MAP4K4: variants seen among roughly 807,000 people sequenced by gnomAD.
MAP4K4 encodes mitogen-activated protein kinase kinase kinase kinase 4, also known as HPK/GCK-like kinase HGK.
In MAP4K4, 38 loss-of-function variants were observed where a neutral mutation model predicts 189.6. That is an observed-to-expected ratio of 0.20 (90% CI 0.15 to 0.26). MAP4K4 has a LOEUF of 0.26. Ranked by LOEUF, MAP4K4 falls within the 10% of genes least tolerant of loss-of-function variation. The pLI is 1.00. For synonymous variants in MAP4K4, 610 were observed against 624.3 expected, an observed-to-expected ratio of 0.98 and a Z score of 0.34; for missense variants, 1,054 against 1,726.9, an observed-to-expected ratio of 0.61 and a Z score of 6.91.
At chr2:101,767,880 A>C (rs1158617788) in intron 2 of MAP4K4, among the ~76,000 whole-genome samples, 1 of 152,210 alleles carries the variant, frequency 6.6e-6, no homozygotes, top group Non-Finnish European at 1.5e-5. Flanking sequence ...GCTTGTGTTC[A>C]GATCTGTTTC....
intron 3 of MAP4K4, among the ~76,000 whole-genome samples, chr2:101,822,985 C>G (rs571063269): frequency 6.6e-6 from 1 of 152,264 alleles, no homozygotes; most frequent in East Asian, 1.9e-4. Flanking sequence ...TCTGCTTTCC[C>G]CTCATTCTGT....
chr2:101,732,574 T>G (rs1574467928), intron 2 of MAP4K4, among the ~76,000 whole-genome samples: 2 of 152,122 alleles, frequency 1.3e-5, no homozygotes, highest in African/African-American at 4.8e-5. Flanking sequence ...TACCTGTTAG[T>G]CATCTCCTTG....
chr2:101,890,647 C>T (rs6731732), intron 32 of MAP4K4, among the ~76,000 whole-genome samples: 13,505 of 151,438 alleles, frequency 0.089, 1,699 homozygotes, highest in African/African-American at 0.29. Context: ...AGTAGAGATG[C>T]GGTTTCACTA....
chr2:101,698,162 GC>G, intron 1 of MAP4K4, 25 bp downstream of exon 1: 1 of 1,135,214 alleles, frequency 8.8e-7, no homozygotes, highest in African/African-American at 1.8e-5. Flanking sequence ...GAGCGGGCGC[GC>G]GGGGAGCGGG....
exon 1 of MAP4K4, chr2:101,697,714 C>T (rs1375059772): frequency 1.7e-5 from 1 of 60,042 alleles, no homozygotes; most frequent in Non-Finnish European, 3.0e-5. Context: ...CTCACTCGCT[C>T]AACTCGGCGC....
intron 2 of MAP4K4, among the ~76,000 whole-genome samples, chr2:101,785,679 TC>T (rs1558913007): frequency 0.26 from 240 of 934 alleles, 23 homozygotes; most frequent in South Asian, 0.38. Context: ...TCTTTCTCCC[TC>T]TCTCTCTCTC....
intron 21 of MAP4K4, 115 bp from the exon 22 acceptor site, chr2:101,869,507 A>G (rs563814403): frequency 2.8e-6 from 2 of 726,962 alleles, no homozygotes; most frequent in African/African-American, 3.6e-5. Flanking sequence ...AAACTGGGTA[A>G]CTATAAAAGT....
At chr2:101,722,639 G>A (rs1369504985) in intron 2 of MAP4K4, among the ~76,000 whole-genome samples, 1 of 152,170 alleles carries the variant, frequency 6.6e-6, no homozygotes, top group African/African-American at 2.4e-5. Flanking sequence ...TCCTTTGAGA[G>A]TGTATTGTTT....
At chr2:101,863,833 C>T in exon 17 of MAP4K4, 1 of 1,367,498 alleles carries the variant, frequency 7.3e-7, no homozygotes, top group Non-Finnish European at 9.8e-7. Flanking sequence ...ACAGTGGTCC[C>T]ACCTGGCATC....
intron 16 of MAP4K4, among the ~76,000 whole-genome samples, chr2:101,863,537 A>G (rs1276149333): frequency 2.6e-5 from 4 of 151,726 alleles, no homozygotes; most frequent in Non-Finnish European, 4.4e-5. Flanking sequence ...TTTGTGGGGA[A>G]AAAAAAAATA....
At chr2:101,869,944 T>G in intron 22 of MAP4K4, 147 bp downstream of exon 22, 1 of 1,071,926 alleles carries the variant, frequency 9.3e-7, no homozygotes, top group South Asian at 1.7e-5. Context: ...TCGCCTTGTG[T>G]TTCCCCTTCT....
intron 2 of MAP4K4, among the ~76,000 whole-genome samples, chr2:101,786,579 C>G (rs1457557375): frequency 6.6e-6 from 1 of 152,116 alleles, no homozygotes; most frequent in Non-Finnish European, 1.5e-5. Context: ...TCTGCTAACC[C>G]TTAAAAGCAT....
Position 101,698,435 on chromosome 2 carries a change from T to G in MAP4K4, c.58-38T>G, listed in dbSNP as rs757937357. On this transcript the variant is annotated intron_variant, in intron 1 of 32. Transcript: ENST00000324219. Reference sequence around the variant, plus strand: ...GCTTGATTTATTCATTTTTTTGGCTTCTTTTAAATGATAACCCCTCCCCTC... The same window carrying G: ...GCTTGATTTATTCATTTTTTTGGCTGCTTTTAAATGATAACCCCTCCCCTC... 1.4e-5 allele frequency: 22 copies of G among 1,565,616 alleles called. No individual in the cohort carries two copies. The African/African-American group carries it at 1.5e-4, about 11-fold the overall frequency.
In MAP4K4 at chr2:101,698,624, A is replaced by G. The variant is rs2036069713; in HGVS notation, c.123+86A>G. The G allele has an allele frequency of 5.3e-6, 7 of 1,315,476 alleles. No individual in the cohort carries two copies. In the African/African-American group the frequency reaches 5.9e-5, roughly 11 times the overall value. 81.5% of individuals were successfully genotyped at this position (1,315,476 alleles called of 1,614,324 possible). A position where few individuals can be genotyped will look rare whatever the true frequency, so the allele number is the denominator to read the frequency against. ...GGAGAGGGTGATAAACATGCTGCTG[A>G]CTGGAGGCCACGCCGCTTGGCCAAA... On this transcript the variant is annotated intron_variant, in intron 2 of 32. Transcript: ENST00000324219.
chr2:101,868,162 A>G (rs1346775342), intron 21 of MAP4K4, 125 bp downstream of exon 21: 1 of 1,050,588 alleles, frequency 9.5e-7, no homozygotes, highest in Non-Finnish European at 1.4e-6. Flanking sequence ...TCTAGAATTT[A>G]AAAACCTCAA....
intron 16 of MAP4K4, 41 bp downstream of exon 16, chr2:101,861,027 C>T (rs1419727951): frequency 1.2e-5 from 19 of 1,538,016 alleles, no homozygotes; most frequent in Non-Finnish European, 1.6e-5. Flanking sequence ...GAGACTCATG[C>T]AACGGCTCGC....
Position 101,888,736 on chromosome 2 carries a change from AC to A in MAP4K4, c.3932-59del. On this transcript the variant is annotated intron_variant, in intron 31 of 32. Coordinates refer to ENST00000324219, the Ensembl canonical transcript of MAP4K4. ...AAAATATATTTTTATTAAGTAAGCA[AC>A]ATCTTTTCAGGGCTGTTTCCTCATC... 2 of 1,299,732 alleles carry A rather than the reference AC, an allele frequency of 1.5e-6. 1 individual carries two copies. The highest frequency in any genetic ancestry group is 3.6e-5 in the South Asian group (2 of 54,936). The allele number at this position is 1,299,732 out of a possible 1,614,324, so 80.5% of individuals were successfully genotyped here.
chr2:101,769,136 A>G (rs1402373969), intron 2 of MAP4K4, among the ~76,000 whole-genome samples: 1 of 152,252 alleles, frequency 6.6e-6, no homozygotes, highest in Admixed American at 6.5e-5. Flanking sequence ...AAATAACTGC[A>G]GTTCACTATT....
At chr2:101,803,793 C>T (rs898454739) in intron 3 of MAP4K4, among the ~76,000 whole-genome samples, 5 of 152,094 alleles carry the variant, frequency 3.3e-5, no homozygotes, top group African/African-American at 1.2e-4. Flanking sequence ...GAGAAACGGA[C>T]CCCCCCTTCA....
Sources: gnomAD v4.1 joint callset for allele counts (sites outside exome capture counted in the v4.1 genomes callset) on GRCh38, gnomAD v4.1.1 for gene constraint, MANE v1.5 for transcripts, NCBI Gene and HGNC (gene_info 2026-07-23, HGNC 2026-07-21) for gene names.